Variants in KCNMA1 observed in about 807,000 individuals in gnomAD.
KCNMA1 encodes Calcium-activated potassium channel subunit alpha-1.
A neutral mutation model predicts 140.0 loss-of-function variants in KCNMA1; 29 were observed. The ratio of observed to expected loss-of-function variants is 0.21; its 90% CI spans 0.15 to 0.28. KCNMA1 has a LOEUF of 0.28. Among genes scored for constraint, KCNMA1 ranks in the 10% least tolerant of loss-of-function variants. KCNMA1 has a pLI of 1.00. For missense variants in KCNMA1, 880 were observed against 1,602.2 expected, an observed-to-expected ratio of 0.55 and a Z score of 7.70; for synonymous variants, 612 against 611.9, an observed-to-expected ratio of 1.00 and a Z score of 0.00.
chr10:77,179,076 G>A (rs2098780038), intron 5 of KCNMA1, among the ~76,000 whole-genome samples: 1 of 152,158 alleles, frequency 6.6e-6, no homozygotes, highest in Admixed American at 6.5e-5. Flanking sequence ...AGAGACCGAG[G>A]TAATCCTGGC....
intron 19 of KCNMA1, among the ~76,000 whole-genome samples, chr10:76,995,123 G>A (rs919820450): frequency 4.6e-5 from 7 of 152,182 alleles, no homozygotes; most frequent in Admixed American, 1.3e-4. Context: ...TCCTGAATGC[G>A]GGCTGGGGGA....
At position 77,636,788 on chromosome 10, in the gene KCNMA1, C is replaced by T. The variant is rs771523380; in HGVS notation, c.378+477G>A. 1.2e-5 allele frequency: 18 copies of T among 1,454,586 alleles called. No homozygotes were observed. The Admixed American group carries it at 1.8e-4, about 14-fold the overall frequency. 90.1% of individuals were successfully genotyped at this position (1,454,586 alleles called of 1,614,324 possible). On this transcript the variant is annotated intron_variant, in intron 1 of 27. Transcript: ENST00000286628. ...AGGATTTTTCCCTTCTTTCTGACCC[C>T]ACGAACTCATCTCCCCAACAGGTTC...
chr10:77,636,279 G>A (rs1603639263), intron 1 of KCNMA1: 1 of 1,456,870 alleles, frequency 6.9e-7, no homozygotes, highest in East Asian at 2.5e-5. Flanking sequence ...CTGTGGGGAA[G>A]GGAAGACATC....
chr10:77,183,266 T>A (rs747346632), intron 5 of KCNMA1, among the ~76,000 whole-genome samples, 155 bp downstream of exon 5: 5 of 152,164 alleles, frequency 3.3e-5, no homozygotes, highest in Admixed American at 1.3e-4. Context: ...CAAAGAGAGC[T>A]GCCACCATCA....
intron 19 of KCNMA1, among the ~76,000 whole-genome samples, chr10:76,987,744 G>T (rs2081667772): frequency 6.6e-6 from 1 of 152,176 alleles, no homozygotes; most frequent in South Asian, 2.1e-4. Flanking sequence ...CTAGAGAATT[G>T]TTAGATGATG....
At chr10:77,151,430 G>A (rs552915398) in intron 5 of KCNMA1, among the ~76,000 whole-genome samples, 1 of 150,152 alleles carries the variant, frequency 6.7e-6, no homozygotes, top group Non-Finnish European at 1.5e-5. Context: ...GTTTCACCAT[G>A]TTGGTCAGGA....
At position 77,141,130 on chromosome 10, in the gene KCNMA1, C is replaced by G; in HGVS notation, c.809-20082G>C. 1.3e-5 allele frequency among the ~76,000 whole-genome samples: 2 copies of G among 152,152 alleles called. 1 individual carries two copies. The highest frequency in any genetic ancestry group is 2.9e-5 in the Non-Finnish European group (2 of 68,028). On this transcript the variant is annotated intron_variant, in intron 5 of 27. Coordinates refer to ENST00000286628, the MANE Select transcript of KCNMA1 (RefSeq NM_001161352.2). ...CCAAATACGCAAATCCTCTGCTAAT[C>G]CTACATACAGGACTGAGGAAGAAGA...
chr10:77,270,202 C>T (rs1279727184), intron 2 of KCNMA1, among the ~76,000 whole-genome samples: 2 of 152,184 alleles, frequency 1.3e-5, no homozygotes, highest in Non-Finnish European at 2.9e-5. Context: ...GCAGAAGTCA[C>T]ATATGGTTGA....
At chr10:77,330,515 T>C (rs1321215792) in intron 2 of KCNMA1, among the ~76,000 whole-genome samples, 1 of 152,182 alleles carries the variant, frequency 6.6e-6, no homozygotes, top group Non-Finnish European at 1.5e-5. Context: ...ATACAAACAA[T>C]GGCAATGACC....
chr10:77,123,215 A>AAAAG (rs2097662227), intron 5 of KCNMA1, among the ~76,000 whole-genome samples: 10 of 138,632 alleles, frequency 7.2e-5, no homozygotes, highest in Non-Finnish European at 1.2e-4. Context: ...AAAAAAAAAA[A>AAAAG]GTGTTAAACA....
chr10:77,554,380 T>G (rs1015094172), intron 1 of KCNMA1, among the ~76,000 whole-genome samples: 2 of 152,040 alleles, frequency 1.3e-5, no homozygotes, highest in Non-Finnish European at 1.5e-5. Flanking sequence ...GCAGCTCACT[T>G]GAGGTCAGGA....
chr10:77,165,357 T>C (rs529842624), intron 5 of KCNMA1, among the ~76,000 whole-genome samples: 2 of 152,318 alleles, frequency 1.3e-5, no homozygotes, highest in Admixed American at 6.5e-5. Context: ...TAGACGCAAG[T>C]TTATTAACAC....
chr10:77,241,370 A>G (rs1292506281), intron 3 of KCNMA1, among the ~76,000 whole-genome samples: 2 of 152,240 alleles, frequency 1.3e-5, no homozygotes, highest in Non-Finnish European at 2.9e-5. Flanking sequence ...CAGGCTGGGC[A>G]CAGTGGCTCA....
chr10:77,636,475 C>T, intron 1 of KCNMA1: 2 of 1,536,204 alleles, frequency 1.3e-6, no homozygotes, highest in African/African-American at 1.4e-5. Flanking sequence ...GCTCCAGCTC[C>T]GCGCTGCTGG....
chr10:76,974,412 C>A, intron 19 of KCNMA1: 1 of 895,642 alleles, frequency 1.1e-6, no homozygotes, highest in Non-Finnish European at 1.8e-6. Flanking sequence ...CAACTGAGCT[C>A]AGCATGGTAA....
At chr10:77,334,700 C>T (rs1358806965) in intron 2 of KCNMA1, among the ~76,000 whole-genome samples, 3 of 152,112 alleles carry the variant, frequency 2.0e-5, no homozygotes, top group Non-Finnish European at 4.4e-5. Context: ...AACATACACT[C>T]AGTGTCAAAC....
chr10:77,161,076 A>G (rs1290110231), intron 5 of KCNMA1, among the ~76,000 whole-genome samples: 1 of 152,230 alleles, frequency 6.6e-6, no homozygotes, highest in Non-Finnish European at 1.5e-5. Context: ...CTGCCTGTTG[A>G]TAGAAACATT....
At chr10:77,441,014 G>A (rs998804849) in intron 1 of KCNMA1, among the ~76,000 whole-genome samples, 6 of 151,642 alleles carry the variant, frequency 4.0e-5, no homozygotes, top group Admixed American at 1.3e-4. Flanking sequence ...CAGTAGAGAC[G>A]GGGTTTCACC....
chr10:76,877,207 GGAGCA>G (rs1292286940), downstream of KCNMA1: 1 of 153,098 alleles, frequency 6.5e-6, no homozygotes, highest in Non-Finnish European at 1.5e-5. Context: ...ATCCAGGCGA[GGAGCA>G]GGTATTCACC....
Sources: gnomAD v4.1 joint callset for allele counts (sites outside exome capture counted in the v4.1 genomes callset) on GRCh38, gnomAD v4.1.1 for gene constraint, MANE v1.5 for transcripts, NCBI Gene and HGNC (gene_info 2026-07-23, HGNC 2026-07-21) for gene names.